Variants in EHBP1 observed in about 807,000 individuals in gnomAD.
The protein encoded by EHBP1 is EH domain-binding protein 1.
A neutral mutation model predicts 144.0 loss-of-function variants in EHBP1; 55 were observed. The observed-to-expected ratio is 0.38, with a 90% confidence interval of 0.31 to 0.48. The LOEUF (loss-of-function observed/expected upper bound fraction) is 0.48, where lower values mean the gene tolerates loss of function less well. EHBP1 is among the 20% of genes least tolerant of loss of function. The probability of loss-of-function intolerance (pLI) is 0.98; values close to 1 mark genes in which losing one functional copy is unlikely to be tolerated. For synonymous variants in EHBP1, 469 were observed against 472.7 expected, an observed-to-expected ratio of 0.99 and a Z score of 0.10; for missense variants, 1,200 against 1,364.2, an observed-to-expected ratio of 0.88 and a Z score of 1.90.
At chr2:62,779,873 A>C (rs546409938) in intron 5 of EHBP1, among the ~76,000 whole-genome samples, 24 of 152,312 alleles carry the variant, frequency 1.6e-4, no homozygotes, top group African/African-American at 5.8e-4. Context: ...CTCTAAGTAC[A>C]CGTCTCCCGG....
At chr2:62,970,679 CA>C (rs1227627615) in intron 14 of EHBP1, among the ~76,000 whole-genome samples, 2 of 152,216 alleles carry the variant, frequency 1.3e-5, no homozygotes, top group East Asian at 3.9e-4. Context: ...CCCCCCATGG[CA>C]GCCATTTTTA....
At chr2:62,916,331 C>T (rs2054615722) in intron 10 of EHBP1, among the ~76,000 whole-genome samples, 1 of 152,074 alleles carries the variant, frequency 6.6e-6, no homozygotes, top group Non-Finnish European at 1.5e-5. Context: ...GTGGCTCACA[C>T]CTGTAATCCC....
At chr2:63,023,288 T>C (rs1038770297) in intron 19 of EHBP1, among the ~76,000 whole-genome samples, 4 of 152,210 alleles carry the variant, frequency 2.6e-5, no homozygotes, top group African/African-American at 9.7e-5. Flanking sequence ...TTTGTTTTAA[T>C]GGAATTTGGA....
intron 5 of EHBP1, among the ~76,000 whole-genome samples, chr2:62,807,812 C>T (rs1383698269): frequency 6.6e-6 from 1 of 152,106 alleles, no homozygotes; most frequent in Admixed American, 6.5e-5. Flanking sequence ...GGCTTTTTCT[C>T]TCAAAACTTT....
intron 14 of EHBP1, among the ~76,000 whole-genome samples, chr2:62,961,000 A>G (rs1038559519): frequency 2.0e-5 from 3 of 152,180 alleles, no homozygotes; most frequent in Admixed American, 6.5e-5. Context: ...TTCAGCTTTC[A>G]GTTCTGCCTT....
At chr2:62,932,646 T>A (rs1435201834) in intron 10 of EHBP1, among the ~76,000 whole-genome samples, 1 of 152,102 alleles carries the variant, frequency 6.6e-6, no homozygotes, top group African/African-American at 2.4e-5. Context: ...CTAATACTAT[T>A]AACTGCATAC....
chr2:62,716,686 TCCATTGGTTCAGCAG>T (rs2035712703), intron 2 of EHBP1, among the ~76,000 whole-genome samples: 1 of 152,228 alleles, frequency 6.6e-6, no homozygotes. Context: ...GCAGTTGTCT[TCCATTGGTTCAGCAG>T]CCATCTTTAT....
chr2:62,992,361 A>G (rs1033812536), intron 16 of EHBP1, among the ~76,000 whole-genome samples: 12 of 152,184 alleles, frequency 7.9e-5, no homozygotes, highest in Non-Finnish European at 1.5e-4. Context: ...AGATAACTTT[A>G]AAAAAATAAA....
chr2:62,718,595 G>A (rs914141627), intron 2 of EHBP1, among the ~76,000 whole-genome samples: 1 of 152,338 alleles, frequency 6.6e-6, no homozygotes, highest in Non-Finnish European at 1.5e-5. Context: ...GTCTGTGATA[G>A]TGATGGCAAA....
chr2:62,961,106 G>A (rs1008240255), intron 14 of EHBP1, among the ~76,000 whole-genome samples: 1 of 152,106 alleles, frequency 6.6e-6, no homozygotes, highest in Non-Finnish European at 1.5e-5. Context: ...AACAACTCTC[G>A]ATATTCTTAT....
At chr2:62,681,727 G>T (rs2033538208) in intron 1 of EHBP1, among the ~76,000 whole-genome samples, 1 of 152,030 alleles carries the variant, frequency 6.6e-6, no homozygotes, top group Non-Finnish European at 1.5e-5. Flanking sequence ...AATACTAGTG[G>T]GATATCATGG....
intron 1 of EHBP1, among the ~76,000 whole-genome samples, chr2:62,680,657 A>C (rs569230952): frequency 7.8e-6 from 1 of 128,266 alleles, no homozygotes; most frequent in African/African-American, 3.1e-5. Flanking sequence ...AGTCAGAAAT[A>C]TGGGTTCTTC....
chr2:62,881,761 G>A (rs1023653894), intron 10 of EHBP1: 3 of 152,152 alleles, frequency 2.0e-5, no homozygotes, highest in Non-Finnish European at 4.4e-5. Context: ...GCTATTAAAC[G>A]ATTCCATTGT....
At chr2:62,817,566 G>A (rs1047027376) in intron 5 of EHBP1, among the ~76,000 whole-genome samples, 1 of 152,164 alleles carries the variant, frequency 6.6e-6, no homozygotes, top group Non-Finnish European at 1.5e-5. Flanking sequence ...CTTTTGCTGT[G>A]GGGCAATTGA....
intron 4 of EHBP1, among the ~76,000 whole-genome samples, chr2:62,768,301 C>T (rs183479006): frequency 1.5e-3 from 227 of 152,130 alleles, no homozygotes; most frequent in Middle Eastern, 3.4e-3. Flanking sequence ...AGAGAAGAGC[C>T]AAATAAACAC....
At position 62,747,467 on chromosome 2, in the gene EHBP1, T is replaced by C; in HGVS notation, c.162+15T>C. ...AGTCTTCTAAGGTTAGTGTATTTTC[T>C]AAATTTCTTACCTAATTGTTGAATA... On this transcript the variant is annotated intron_variant, in intron 3 of 22. Coordinates refer to ENST00000431489, the MANE Select transcript of EHBP1 (RefSeq NM_001142616.3). 1 of 1,594,266 alleles carries C rather than the reference T, an allele frequency of 6.3e-7. No homozygotes were observed. Among genetic ancestry groups the C allele is most frequent in the Non-Finnish European group, 8.6e-7 (1 of 1,168,016 alleles).
chr2:63,026,427 C>A (rs2060987503), intron 19 of EHBP1, among the ~76,000 whole-genome samples: 1 of 151,386 alleles, frequency 6.6e-6, no homozygotes, highest in African/African-American at 2.4e-5. Context: ...TTACCATGAG[C>A]CTGGCACTAT....
At chr2:62,935,226 G>A (rs368861676) in intron 10 of EHBP1, among the ~76,000 whole-genome samples, 1 of 151,466 alleles carries the variant, frequency 6.6e-6, no homozygotes. Flanking sequence ...CTACTCGGGA[G>A]GCTGAGGCAG....
At chr2:62,969,575 C>A (rs1272185341) in intron 14 of EHBP1, among the ~76,000 whole-genome samples, 1 of 152,072 alleles carries the variant, frequency 6.6e-6, no homozygotes, top group Non-Finnish European at 1.5e-5. Flanking sequence ...TAAAAACTAT[C>A]TCAAATTTAA....
Sources: gnomAD v4.1 joint callset for allele counts (sites outside exome capture counted in the v4.1 genomes callset) on GRCh38, gnomAD v4.1.1 for gene constraint, MANE v1.5 for transcripts, NCBI Gene and HGNC (gene_info 2026-07-23, HGNC 2026-07-21) for gene names.